ALK: variants seen among roughly 807,000 people sequenced by gnomAD.
ALK encodes the protein ALK receptor tyrosine kinase.
A neutral mutation model predicts 163.1 loss-of-function variants in ALK; 74 were observed. The observed-to-expected ratio is 0.45, with a 90% CI of 0.38 to 0.55. ALK has a LOEUF of 0.55. ALK is among the 20% of genes least tolerant of loss of function. ALK has a pLI of 0.00. For missense variants in ALK, 2,063 were observed against 2,105.3 expected, an observed-to-expected ratio of 0.98 and a Z score of 0.39; for synonymous variants, 960 against 843.2, an observed-to-expected ratio of 1.14 and a Z score of -2.40.
At chr2:29,234,066 G>A (rs760810718) in intron 13 of ALK, among the ~76,000 whole-genome samples, 5 of 152,060 alleles carry the variant, frequency 3.3e-5, no homozygotes, top group Non-Finnish European at 7.4e-5. Flanking sequence ...GCAGAGAGTG[G>A]CATGAGCCCA....
intron 1 of ALK, among the ~76,000 whole-genome samples, chr2:29,812,412 T>C (rs1664780739): frequency 6.6e-6 from 1 of 152,026 alleles, no homozygotes; most frequent in Non-Finnish European, 1.5e-5. Context: ...GAAAGAGTTG[T>C]GTACAATTAG....
intron 3 of ALK, among the ~76,000 whole-genome samples, chr2:29,548,833 G>C (rs952357444): frequency 6.6e-6 from 1 of 152,120 alleles, no homozygotes; most frequent in Non-Finnish European, 1.5e-5. Flanking sequence ...CCTTGGGGGG[G>C]ATGTTTTTCC....
At chr2:29,478,259 T>C (rs986789886) in intron 4 of ALK, among the ~76,000 whole-genome samples, 12 of 152,260 alleles carry the variant, frequency 7.9e-5, no homozygotes, top group Non-Finnish European at 1.3e-4. Flanking sequence ...GGAGGACAAC[T>C]CTCACTCCAT....
chr2:29,374,485 G>C (rs1030474045), intron 5 of ALK, among the ~76,000 whole-genome samples: 2 of 149,782 alleles, frequency 1.3e-5, no homozygotes, highest in African/African-American at 2.4e-5. Flanking sequence ...TTTAAAAAAA[G>C]ACAGTCTTTG....
At chr2:29,198,980 G>A (rs566772881) in intron 26 of ALK, among the ~76,000 whole-genome samples, 1 of 145,448 alleles carries the variant, frequency 6.9e-6, no homozygotes, top group East Asian at 2.1e-4. Flanking sequence ...TTTTTATGTA[G>A]TCTCACTCTG....
intron 4 of ALK, among the ~76,000 whole-genome samples, chr2:29,513,494 C>T (rs1163677637): frequency 4.0e-5 from 6 of 148,728 alleles, no homozygotes; most frequent in Admixed American, 1.3e-4. Context: ...ATACAAAAAT[C>T]AATTCAAGAT....
intron 11 of ALK, among the ~76,000 whole-genome samples, chr2:29,267,957 A>G (rs1665263102): frequency 6.6e-6 from 1 of 152,258 alleles, no homozygotes; most frequent in African/African-American, 2.4e-5. Context: ...TAATCAAGGC[A>G]TACTGAGCCC....
chr2:29,795,105 T>C (rs1390578316), intron 1 of ALK, among the ~76,000 whole-genome samples: 3 of 152,072 alleles, frequency 2.0e-5, no homozygotes, highest in East Asian at 3.8e-4. Flanking sequence ...TTAGTCCTGA[T>C]ATCATCCAAA....
intron 1 of ALK, among the ~76,000 whole-genome samples, chr2:29,784,036 GC>G (rs1217475725): frequency 6.6e-6 from 1 of 152,146 alleles, no homozygotes; most frequent in African/African-American, 2.4e-5. Flanking sequence ...GAACAGGAAT[GC>G]CATGATATTA....
At chr2:29,382,964 T>A (rs1206454457) in intron 5 of ALK, among the ~76,000 whole-genome samples, 1 of 152,130 alleles carries the variant, frequency 6.6e-6, no homozygotes, top group Non-Finnish European at 1.5e-5. Flanking sequence ...CCTAAGAGAA[T>A]CCCTTTCACA....
intron 4 of ALK, among the ~76,000 whole-genome samples, chr2:29,505,775 C>T (rs1225631382): frequency 6.8e-6 from 1 of 147,340 alleles, no homozygotes; most frequent in Non-Finnish European, 1.5e-5. Flanking sequence ...CCATTCAGCT[C>T]TTTCCATAAT....
intron 3 of ALK, among the ~76,000 whole-genome samples, chr2:29,570,999 G>A (rs924722774): frequency 3.3e-5 from 5 of 152,122 alleles, no homozygotes; most frequent in African/African-American, 9.7e-5. Context: ...AGAAAGGAAG[G>A]AGAAAAAGGA....
chr2:29,512,036 A>G, intron 4 of ALK, among the ~76,000 whole-genome samples: 1 of 13,518 alleles, frequency 7.4e-5, no homozygotes, highest in Non-Finnish European at 8.2e-3. Flanking sequence ...GAATCTTTTG[A>G]ATATTTAAAA....
intron 4 of ALK, among the ~76,000 whole-genome samples, chr2:29,529,184 G>A (rs77067016): frequency 0.028 from 4,254 of 152,258 alleles, 92 homozygotes; most frequent in South Asian, 0.078. Flanking sequence ...AGTGGTTTCC[G>A]GGGAACTTGG....
intron 8 of ALK, among the ~76,000 whole-genome samples, chr2:29,314,069 G>A (rs770241998): frequency 1.7e-4 from 26 of 152,228 alleles, no homozygotes; most frequent in Non-Finnish European, 3.1e-4. Context: ...CTGCTTCTGC[G>A]TCACACTGAG....
At chr2:29,755,153 A>G (rs1680480041) in intron 1 of ALK, among the ~76,000 whole-genome samples, 1 of 152,208 alleles carries the variant, frequency 6.6e-6, no homozygotes, top group Non-Finnish European at 1.5e-5. Flanking sequence ...GGTTTCCTAC[A>G]ATAAGGCGAT....
At chr2:29,499,633 T>C (rs1158702878) in intron 4 of ALK, among the ~76,000 whole-genome samples, 2 of 152,124 alleles carry the variant, frequency 1.3e-5, no homozygotes, top group Admixed American at 6.5e-5. Flanking sequence ...CTTTATCAGA[T>C]TGTTCATCAT....
At chr2:29,584,566 C>G (rs1412371447) in intron 3 of ALK, among the ~76,000 whole-genome samples, 1 of 152,186 alleles carries the variant, frequency 6.6e-6, no homozygotes, top group Non-Finnish European at 1.5e-5. Context: ...ATTCAAGGCC[C>G]TGCCCTTCAC....
At chr2:29,642,727 C>G (rs1397624072) in intron 3 of ALK, among the ~76,000 whole-genome samples, 1 of 152,118 alleles carries the variant, frequency 6.6e-6, no homozygotes. Context: ...GAAAAACAGG[C>G]AAATCAAAAT....
Sources: allele counts gnomAD v4.1 joint callset (sites outside exome capture counted in the v4.1 genomes callset), GRCh38; gene constraint gnomAD v4.1.1; transcripts MANE v1.5; gene names NCBI Gene and HGNC (gene_info 2026-07-23, HGNC 2026-07-21).